INPP4A: variants seen among roughly 807,000 people sequenced by gnomAD.
The protein encoded by INPP4A is inositol polyphosphate-4-phosphatase, type I, 107kD.
A neutral mutation model predicts 119.8 loss-of-function variants in INPP4A; 33 were observed. That is an observed-to-expected ratio of 0.28 (90% CI 0.21 to 0.37). The LOEUF is 0.37. INPP4A is among the 10% of genes least tolerant of loss of function. The pLI, the probability that INPP4A is intolerant of heterozygous loss-of-function variation, is 1.00. For synonymous variants in INPP4A, 496 were observed against 500.7 expected, an observed-to-expected ratio of 0.99 and a Z score of 0.12; for missense variants, 956 against 1,289.9, an observed-to-expected ratio of 0.74 and a Z score of 3.97.
At chr2:98,518,685 C>T (rs1279891328) in intron 1 of INPP4A, among the ~76,000 whole-genome samples, 4 of 152,248 alleles carry the variant, frequency 2.6e-5, no homozygotes, top group Non-Finnish European at 4.4e-5. Context: ...CTCACATTCT[C>T]ATCCCCCTAA....
chr2:98,524,523 C>G (rs1687831775), intron 4 of INPP4A, among the ~76,000 whole-genome samples: 1 of 152,182 alleles, frequency 6.6e-6, no homozygotes, highest in Non-Finnish European at 1.5e-5. Context: ...ATGGGACCAT[C>G]AACCCTTAAA....
At chr2:98,539,313 A>G (rs984086770) in intron 9 of INPP4A, among the ~76,000 whole-genome samples, 2 of 152,160 alleles carry the variant, frequency 1.3e-5, no homozygotes, top group African/African-American at 4.8e-5. Flanking sequence ...AGAGTTAGTT[A>G]CATGTTCTGG....
At position 98,554,536 on chromosome 2, in the gene INPP4A, A is replaced by C; in HGVS notation, c.1566+47A>C. 4.6e-6 allele frequency: 7 copies of C among 1,517,586 alleles called. No homozygotes were observed. The South Asian group carries it at 6.0e-5, about 13-fold the overall frequency. 94.0% of individuals were successfully genotyped at this position (1,517,586 alleles called of 1,614,324 possible). A position where few individuals can be genotyped will look rare whatever the true frequency, so the allele number is the denominator to read the frequency against. ...TCATCCCACTGCTGAACTTGGGCTG[A>C]AAACCACAAAACCTGTTGCCAGTCT... On this transcript the variant is annotated intron_variant, in intron 15 of 24. Coordinates refer to ENST00000409851, the MANE Select transcript of INPP4A (RefSeq NM_001134225.2). This position sits in a 1 kb window ranked among gnomAD's most constrained non-coding sequence, Gnocchi z 4.7.
At chr2:98,502,769 T>C (rs1683360958) in intron 1 of INPP4A, among the ~76,000 whole-genome samples, 1 of 152,182 alleles carries the variant, frequency 6.6e-6, no homozygotes, top group Non-Finnish European at 1.5e-5. Flanking sequence ...ACTACTGCAT[T>C]GTTTATGGGT....
chr2:98,462,081 G>A (rs185052501), intron 1 of INPP4A, among the ~76,000 whole-genome samples: 7 of 152,310 alleles, frequency 4.6e-5, no homozygotes, highest in African/African-American at 1.7e-4. Flanking sequence ...TTATGACCTG[G>A]CCTGTAGGGT....
intron 20 of INPP4A, 126 bp from the exon 21 acceptor site, chr2:98,565,903 C>G (rs1696343678): frequency 1.3e-6 from 2 of 1,495,660 alleles, no homozygotes; most frequent in South Asian, 2.5e-5. Flanking sequence ...AGGTTAGTGC[C>G]ACTCCCTTAA....
At chr2:98,581,612 G>C in intron 24 of INPP4A, 4 of 1,560,832 alleles carry the variant, frequency 2.6e-6, no homozygotes, top group Non-Finnish European at 3.5e-6. Context: ...AGAAGAACTT[G>C]AGCGGCCTGG....
rs746637921 is a variant in INPP4A at position 98,554,521 on chromosome 2, G to C, written c.1566+32G>C. On this transcript the variant is annotated intron_variant, in intron 15 of 24. Transcript: ENST00000409851. This position sits in a 1 kb window ranked among gnomAD's most constrained non-coding sequence, Gnocchi z 4.7. ...CTGCTGCTGTGGCTGTCATCCCACTGCTGAACTTGGGCTGAAAACCACAAA... is the reference window on the plus strand; with the variant it reads ...CTGCTGCTGTGGCTGTCATCCCACTCCTGAACTTGGGCTGAAAACCACAAA... 4 of 1,587,892 alleles carry C rather than the reference G, an allele frequency of 2.5e-6. No homozygotes were observed. The South Asian group carries it at 3.4e-5, about 13-fold the overall frequency.
intron 1 of INPP4A, among the ~76,000 whole-genome samples, chr2:98,460,325 C>T (rs1243778241): frequency 6.6e-6 from 1 of 151,894 alleles, no homozygotes; most frequent in East Asian, 1.9e-4. Flanking sequence ...CATGGAAGGG[C>T]AGTGGCTCAA....
Position 98,593,364 on chromosome 2 carries a change from G to GTGGCC in INPP4A, c.*5759_*5763dup, listed in dbSNP as rs1314601345. The GTGGCC allele has an allele frequency of 6.6e-6, 1 of 152,646 alleles. No individual in the cohort carries two copies. The highest frequency in any genetic ancestry group is 1.5e-5 in the Non-Finnish European group (1 of 68,220). 9.5% of individuals were successfully genotyped at this position (152,646 alleles called of 1,614,324 possible). A position where few individuals can be genotyped will look rare whatever the true frequency, so the allele number is the denominator to read the frequency against. ...GCCACCCAGCCCTCCCTCGGTGTCT[G>GTGGCC]TGGCCTGACTCTCTCCTGGTGGTCC... On this transcript the variant is annotated 3_prime_UTR_variant, in exon 25 of 25. Transcript: ENST00000409851.
chr2:98,544,264 A>G (rs1369543819), intron 11 of INPP4A, among the ~76,000 whole-genome samples: 2 of 152,202 alleles, frequency 1.3e-5, no homozygotes, highest in African/African-American at 2.4e-5. Context: ...GAGTCCTCCT[A>G]TGGTGTCATC....
chr2:98,458,284 C>T (rs943060138), intron 1 of INPP4A, among the ~76,000 whole-genome samples: 3 of 152,024 alleles, frequency 2.0e-5, no homozygotes, highest in Admixed American at 6.5e-5. Context: ...TTCAAAGTTG[C>T]AGTGAGCTAT....
At chr2:98,529,661 G>A (rs1323543996) in intron 4 of INPP4A, among the ~76,000 whole-genome samples, 10 of 152,114 alleles carry the variant, frequency 6.6e-5, no homozygotes, top group East Asian at 3.9e-4. Context: ...GCGTGAACCC[G>A]GGAGGCAGAG....
At position 98,570,235 on chromosome 2, in the gene INPP4A, C is replaced by G. The variant is rs1318537915; in HGVS notation, c.2518+1567C>G. 1.3e-5 allele frequency among the ~76,000 whole-genome samples: 2 copies of G among 152,180 alleles called. No homozygotes were observed. The highest frequency in any genetic ancestry group is 2.9e-5 in the Non-Finnish European group (2 of 68,036). ...ACTTGTGGGGAGTGCAGATGTGGAGCCACAGAGCAGAGCCCTTTGGTGGTT... is the reference window on the plus strand; with the variant it reads ...ACTTGTGGGGAGTGCAGATGTGGAGGCACAGAGCAGAGCCCTTTGGTGGTT... On this transcript the variant is annotated intron_variant, in intron 22 of 24. Coordinates refer to ENST00000409851, the MANE Select transcript of INPP4A (RefSeq NM_001134225.2). This position sits in a 1 kb window ranked among gnomAD's most constrained non-coding sequence, Gnocchi z 4.3.
chr2:98,462,533 GT>G (rs894217916), intron 1 of INPP4A, among the ~76,000 whole-genome samples: 6 of 147,126 alleles, frequency 4.1e-5, no homozygotes, highest in Non-Finnish European at 9.0e-5. Context: ...AATTATTATT[GT>G]TTTTTTTTTG....
chr2:98,576,971 C>G lies in INPP4A; in HGVS notation c.2632-18C>G, dbSNP rs1202694903. 6.2e-7 allele frequency: 1 copy of G among 1,607,062 alleles called. No individual in the cohort carries two copies. On this transcript the variant is annotated intron_variant, in intron 23 of 24. Transcript: ENST00000409851. ...GTGGAGCCTCGCCTCTAAGCACGGC[C>G]CATGTTTCTGTTGGCAGATCTGCCG... is the stretch of plus-strand genomic sequence containing the variant.
chr2:98,485,311 A>G (rs1679313696), intron 1 of INPP4A, among the ~76,000 whole-genome samples: 2 of 152,214 alleles, frequency 1.3e-5, no homozygotes, highest in African/African-American at 4.8e-5. Context: ...ACAGTCTAAG[A>G]TTCAGGTGAA....
At chr2:98,547,860 C>CT (rs914184586) in intron 13 of INPP4A, among the ~76,000 whole-genome samples, 15 of 151,980 alleles carry the variant, frequency 9.9e-5, no homozygotes, top group African/African-American at 3.4e-4. Context: ...AGCATGTGGG[C>CT]TGGGGAGGGT....
rs1400873314 is a variant in INPP4A at position 98,552,945 on chromosome 2, G to A, written c.1323G>A (p.Arg441=). ...ACAGGTCTGCCACTGGCCTTGAGAGGACACTCGCCATCTTGGCAGACAAGG... is the reference window on the plus strand; with the variant it reads ...ACAGGTCTGCCACTGGCCTTGAGAGAACACTCGCCATCTTGGCAGACAAGG... The part of the protein sequence containing the change: ...AKDRSATGLE[R]TLAILADKTR... Residue 441 remains arginine (R), a synonymous_variant, in exon 14 of 25, where the codon AGG becomes AGA. Transcript: ENST00000409851. 6.2e-7 allele frequency: 1 copy of A among 1,612,350 alleles called. No individual in the cohort carries two copies. The highest frequency in any genetic ancestry group is 1.1e-5 in the South Asian group (1 of 90,752).
Sources: gnomAD v4.1 joint callset for allele counts (sites outside exome capture counted in the v4.1 genomes callset) on GRCh38, gnomAD v4.1.1 for gene constraint, Gnocchi (gnomAD v3.1) non-coding constraint, MANE v1.5 for transcripts, NCBI Gene and HGNC (gene_info 2026-07-23, HGNC 2026-07-21) for gene names.